CLRN1: variants seen among roughly 807,000 people sequenced by gnomAD.
CLRN1 encodes clarin-1.
In CLRN1, 15 loss-of-function variants were observed where a neutral mutation model predicts 18.7. The ratio of observed to expected loss-of-function variants is 0.80; its 90% confidence interval spans 0.54 to 1.23. The LOEUF is 1.23. Ranked by LOEUF, CLRN1 falls within the 50% of genes most tolerant of loss-of-function variation. The pLI is 0.00. For missense variants in CLRN1, 311 were observed against 277.5 expected (o/e 1.12, Z -0.86); for synonymous variants, 104 against 102.9 (o/e 1.01, Z -0.07).
intron 1 of CLRN1, among the ~76,000 whole-genome samples, chr3:150,967,869 C>T (rs565215161): frequency 6.6e-6 from 1 of 152,158 alleles, no homozygotes; most frequent in African/African-American, 2.4e-5. Flanking sequence ...TGAGAAGCCA[C>T]CTGCTTGCTC....
At chr3:150,954,565 G>C (rs912252070) in intron 1 of CLRN1, among the ~76,000 whole-genome samples, 1 of 152,156 alleles carries the variant, frequency 6.6e-6, no homozygotes, top group East Asian at 1.9e-4. Context: ...TCTGTGGCTT[G>C]TATTTTCATT....
At chr3:150,970,732 T>C (rs1559995288) in intron 1 of CLRN1, among the ~76,000 whole-genome samples, 2 of 152,134 alleles carry the variant, frequency 1.3e-5, no homozygotes, top group East Asian at 1.9e-4. Context: ...TGAAATTCTG[T>C]GAGATAAGTG....
At chr3:150,965,024 A>C (rs1313287381) in intron 1 of CLRN1, among the ~76,000 whole-genome samples, 1 of 152,332 alleles carries the variant, frequency 6.6e-6, no homozygotes, top group East Asian at 1.9e-4. Context: ...TGTTCTGCAC[A>C]TGTATTTCAG....
At chr3:150,955,707 C>T (rs1714704230) in intron 1 of CLRN1, among the ~76,000 whole-genome samples, 2 of 152,192 alleles carry the variant, frequency 1.3e-5, no homozygotes, top group South Asian at 4.1e-4. Flanking sequence ...CGTTGCACAC[C>T]TGAACATGAC....
At position 150,927,827 on chromosome 3, in the gene CLRN1, G is replaced by C; in HGVS notation, c.*109C>G. ...TAATTTGTAAACATTGTCACGAAGG[G>C]TCCTGATGCTTTAATATATGCAGAC... is the stretch of plus-strand genomic sequence containing the variant. On this transcript the variant is annotated 3_prime_UTR_variant, in exon 3 of 3. Coordinates refer to ENST00000327047, the MANE Select transcript of CLRN1 (RefSeq NM_174878.3). The C allele has an allele frequency of 7.8e-7, 1 of 1,288,666 alleles. No homozygotes were observed. Among genetic ancestry groups the C allele is most frequent in the Non-Finnish European group, 1.1e-6 (1 of 889,860 alleles). 79.8% of individuals were successfully genotyped at this position (1,288,666 alleles called of 1,614,324 possible).
chr3:150,931,381 C>T (rs1056204925), intron 2 of CLRN1, among the ~76,000 whole-genome samples: 4 of 152,188 alleles, frequency 2.6e-5, no homozygotes, highest in Non-Finnish European at 4.4e-5. Context: ...TCTGCTCTGT[C>T]TCTCTTCTGG....
Position 150,926,910 on chromosome 3 carries a change from A to G in CLRN1, c.*1026T>C. On this transcript the variant is annotated 3_prime_UTR_variant, in exon 3 of 3. Transcript: ENST00000327047. ...TTGATGGGTAATTCAGGGGAAAAAA[A>G]AAGTTGACCTGGGTCATGCTTGGTG... The G allele has an allele frequency of 6.2e-7, 1 of 1,614,130 alleles. No individual in the cohort carries two copies.
upstream of CLRN1, chr3:150,972,873 A>G (rs1408295440): frequency 1.1e-6 from 1 of 873,780 alleles, no homozygotes; most frequent in African/African-American, 1.7e-5. Context: ...AAATGTCAGT[A>G]GATGAAGGCC....
At chr3:150,952,496 C>G (rs771176339) in intron 1 of CLRN1, among the ~76,000 whole-genome samples, 2 of 152,152 alleles carry the variant, frequency 1.3e-5, no homozygotes, top group African/African-American at 4.8e-5. Context: ...TTCAATTTAA[C>G]GATATTTCAA....
At chr3:150,953,264 A>G (rs1576639339) in intron 1 of CLRN1, among the ~76,000 whole-genome samples, 1 of 152,132 alleles carries the variant, frequency 6.6e-6, no homozygotes, top group Non-Finnish European at 1.5e-5. Context: ...AGTGAAAGGG[A>G]GTTATTTATT....
intron 2 of CLRN1, among the ~76,000 whole-genome samples, chr3:150,933,366 AG>A (rs1284714040): frequency 1.3e-5 from 2 of 151,962 alleles, no homozygotes; most frequent in Admixed American, 6.5e-5. Context: ...TAAAGCAGAG[AG>A]GGGGGATAGG....
intron 2 of CLRN1, among the ~76,000 whole-genome samples, chr3:150,933,330 T>C (rs1284156529): frequency 1.3e-5 from 2 of 151,538 alleles, no homozygotes; most frequent in African/African-American, 4.9e-5. Context: ...TTTATCAGAG[T>C]GTGATATATA....
chr3:150,972,879 A>C (rs556680229), upstream of CLRN1: 4 of 831,986 alleles, frequency 4.8e-6, no homozygotes, highest in South Asian at 5.8e-5. Context: ...CAGTAGATGA[A>C]GGCCTCATCA....
intron 2 of CLRN1, among the ~76,000 whole-genome samples, chr3:150,930,216 A>T (rs1713064055): frequency 6.6e-6 from 1 of 152,284 alleles, no homozygotes; most frequent in African/African-American, 2.4e-5. Context: ...AGAAGGAGCT[A>T]TAGGAAAAGT....
In CLRN1 at chr3:150,957,873, G is replaced by C. The variant is rs181170959; in HGVS notation, c.253+14583C>G. On this transcript the variant is annotated intron_variant, in intron 1 of 2. Coordinates refer to ENST00000327047, the MANE Select transcript of CLRN1 (RefSeq NM_174878.3). ...GGGGTTTCACCATGTTGGCCAGGCTGGTCTTGAACTCCTGATCTTGTTTGT... is the reference window on the plus strand; with the variant it reads ...GGGGTTTCACCATGTTGGCCAGGCTCGTCTTGAACTCCTGATCTTGTTTGT... Among the ~76,000 whole-genome samples the C allele has an allele frequency of 1.3e-3, 196 of 152,158 alleles. 1 individual carries two copies. Among genetic ancestry groups the C allele is most frequent in the African/African-American group, 4.5e-3 (187 of 41,522 alleles).
chr3:150,954,525 C>T (rs1343139622), intron 1 of CLRN1, among the ~76,000 whole-genome samples: 1 of 152,142 alleles, frequency 6.6e-6, no homozygotes, highest in Non-Finnish European at 1.5e-5. Flanking sequence ...AACCCTTTAT[C>T]AGATAAGAAA....
intron 2 of CLRN1, among the ~76,000 whole-genome samples, chr3:150,938,356 A>G (rs1027370906): frequency 6.6e-6 from 1 of 152,144 alleles, no homozygotes; most frequent in African/African-American, 2.4e-5. Context: ...CACACTTAGA[A>G]TGTTTGGGAT....
chr3:150,936,292 A>G (rs1181055089), intron 2 of CLRN1, among the ~76,000 whole-genome samples: 1 of 152,152 alleles, frequency 6.6e-6, no homozygotes, highest in African/African-American at 2.4e-5. Flanking sequence ...CTATATCCGA[A>G]TAATGCCCAA....
At chr3:150,930,746 CAT>C (rs1387927114) in intron 2 of CLRN1, among the ~76,000 whole-genome samples, 5 of 152,138 alleles carry the variant, frequency 3.3e-5, no homozygotes, top group South Asian at 4.1e-4. Context: ...AGAAGTGAAA[CAT>C]TATTTCCTGA....
Sources: gnomAD v4.1 joint callset for allele counts (sites outside exome capture counted in the v4.1 genomes callset) on GRCh38, gnomAD v4.1.1 for gene constraint, MANE v1.5 for transcripts, NCBI Gene and HGNC (gene_info 2026-07-23, HGNC 2026-07-21) for gene names.